MTCH2: variants seen among roughly 807,000 people sequenced by gnomAD.
The protein encoded by MTCH2 is mitochondrial carrier 2, also known as mitochondrial carrier homolog 2.
A neutral mutation model predicts 50.6 loss-of-function variants in MTCH2; 25 were observed. That is an observed-to-expected ratio of 0.49 (90% CI 0.36 to 0.69). The LOEUF (loss-of-function observed/expected upper bound fraction) is 0.69. MTCH2 is among the 30% of genes least tolerant of loss of function. The probability of loss-of-function intolerance (pLI) is 0.00; values close to 1 mark genes in which losing one functional copy is unlikely to be tolerated. For missense variants in MTCH2, 273 were observed against 384.4 expected (o/e 0.71, Z 2.42); for synonymous variants, 106 against 132.0 (o/e 0.80, Z 1.35).
chr11:47,629,275 C>T (rs538417387), intron 8 of MTCH2: 162 of 487,454 alleles, frequency 3.3e-4, no homozygotes, highest in South Asian at 2.8e-3. Context: ...AAATGCAGGT[C>T]GGCTATACCC....
intron 3 of MTCH2, among the ~76,000 whole-genome samples, chr11:47,637,707 T>C (rs2097310010): frequency 6.6e-6 from 1 of 152,176 alleles, no homozygotes; most frequent in Admixed American, 6.5e-5. Context: ...TTTCTAGCCA[T>C]ATCAGATTTC....
intron 3 of MTCH2, among the ~76,000 whole-genome samples, chr11:47,637,670 C>A (rs1469122934): frequency 6.6e-6 from 1 of 151,962 alleles, no homozygotes; most frequent in Non-Finnish European, 1.5e-5. Flanking sequence ...TTATTGTTTT[C>A]TTATTTTTTA....
At position 47,622,794 on chromosome 11, in the gene MTCH2, A is replaced by G. The variant is rs199688889; in HGVS notation, c.750-18T>C. The G allele has an allele frequency of 2.1e-3, 2,424 of 1,144,342 alleles. No individual in the cohort carries two copies. The highest frequency in any genetic ancestry group is 2.5e-3 in the Non-Finnish European group (2,286 of 919,234). The allele number at this position is 1,144,342 out of a possible 1,614,324, so 70.9% of individuals were successfully genotyped here. On this transcript the variant is annotated intron_variant, in intron 11 of 12. Transcript: ENST00000302503. ...CAGCAAGACTAAAATAGAAAAAAAC[A>G]TGGAGCTATTCATGTTAATATTAAC...
intron 6 of MTCH2, 136 bp from the exon 7 acceptor site, chr11:47,631,223 ATAT>A (rs1279264439): frequency 3.2e-6 from 2 of 629,740 alleles, no homozygotes; most frequent in African/African-American, 3.7e-5. Context: ...AGCCTGACCA[ATAT>A]GATGAAGCCC....
intron 4 of MTCH2, among the ~76,000 whole-genome samples, 183 bp downstream of exon 4, chr11:47,635,362 A>G (rs1197883882): frequency 6.6e-6 from 1 of 152,206 alleles, no homozygotes; most frequent in South Asian, 2.1e-4. Flanking sequence ...GGCATGAGCC[A>G]CCATGCCCAG....
At chr11:47,608,652 T>TA in the MTCH2 span, among the ~76,000 whole-genome samples, 1 of 151,944 alleles carries the variant, frequency 6.6e-6, no homozygotes, top group Admixed American at 6.6e-5. Context: ...GCGGAAGGAT[T>TA]AAAGACGCTA....
intron 10 of MTCH2, among the ~76,000 whole-genome samples, chr11:47,626,265 CG>C (rs1450601189): frequency 6.6e-6 from 1 of 151,644 alleles, no homozygotes; most frequent in Non-Finnish European, 1.5e-5. Flanking sequence ...AAGGTGGTGT[CG>C]AACTCCCGAC....
chr11:47,623,375 TTAAAAAAAAAA>T (rs992734218), intron 11 of MTCH2, among the ~76,000 whole-genome samples: 1 of 122,506 alleles, frequency 8.2e-6, no homozygotes, highest in Non-Finnish European at 1.7e-5. Context: ...CAGTCTTTTT[TTAAAAAAAAAA>T]AAAAAAAAAA....
At chr11:47,604,564 TAGC>T in the MTCH2 span, among the ~76,000 whole-genome samples, 1 of 152,200 alleles carries the variant, frequency 6.6e-6, no homozygotes, top group Non-Finnish European at 1.5e-5. Context: ...TGGCTTGTAA[TAGC>T]AAACAGTTTG....
chr11:47,624,500 T>C (rs1382560117), intron 11 of MTCH2, among the ~76,000 whole-genome samples: 1 of 152,094 alleles, frequency 6.6e-6, no homozygotes, highest in African/African-American at 2.4e-5. Flanking sequence ...AAGATAAAGA[T>C]TTAAAATAAC....
chr11:47,642,279 AGAAT>A (rs1034980833), intron 1 of MTCH2, 96 bp downstream of exon 1: 6 of 1,006,902 alleles, frequency 6.0e-6, no homozygotes, highest in African/African-American at 5.1e-5. Flanking sequence ...GCATCTCGGG[AGAAT>A]GAAAGGCCCG....
chr11:47,640,415 GTTAC>G (rs1478398035), intron 1 of MTCH2, among the ~76,000 whole-genome samples: 2 of 151,982 alleles, frequency 1.3e-5, no homozygotes, highest in African/African-American at 2.4e-5. Context: ...TTTTTATTTA[GTTAC>G]TTATTTATTT....
intron 1 of MTCH2, among the ~76,000 whole-genome samples, chr11:47,641,195 G>C (rs1216346599): frequency 1.3e-5 from 2 of 152,112 alleles, no homozygotes; most frequent in Non-Finnish European, 2.9e-5. Context: ...CGGCCCCAAG[G>C]GTTCTTACTA....
chr11:47,623,161 A>G (rs1329072207), intron 11 of MTCH2, among the ~76,000 whole-genome samples: 1 of 152,126 alleles, frequency 6.6e-6, no homozygotes, highest in Non-Finnish European at 1.5e-5. Context: ...ATTTGAGGTC[A>G]GGAGTTCAAG....
At chr11:47,609,893 G>A in the MTCH2 span, among the ~76,000 whole-genome samples, 1 of 152,176 alleles carries the variant, frequency 6.6e-6, no homozygotes, top group Non-Finnish European at 1.5e-5. Context: ...AAAGGGAGGT[G>A]ACAAATTCAG....
At chr11:47,614,490 C>G (rs766451849), downstream of MTCH2, among the ~76,000 whole-genome samples, 1 of 151,950 alleles carries the variant, frequency 6.6e-6, no homozygotes, top group Admixed American at 6.6e-5. Context: ...TTTTTTGAGA[C>G]GGAGTTTTGC....
At chr11:47,626,433 C>T (rs965937767) in intron 10 of MTCH2, among the ~76,000 whole-genome samples, 11 of 151,686 alleles carry the variant, frequency 7.3e-5, no homozygotes, top group Admixed American at 4.6e-4. Flanking sequence ...CTTGGCCTCC[C>T]GAAGTGCTGG....
chr11:47,635,010 ATC>A, intron 4 of MTCH2, among the ~76,000 whole-genome samples: 1 of 151,718 alleles, frequency 6.6e-6, no homozygotes, highest in Non-Finnish European at 1.5e-5. Flanking sequence ...TGACCTCGTG[ATC>A]TCCACCTGCC....
At chr11:47,616,615 C>T (rs1432337853), downstream of MTCH2, among the ~76,000 whole-genome samples, 1 of 151,822 alleles carries the variant, frequency 6.6e-6, no homozygotes. Context: ...GTATGGGCCA[C>T]CACAACCAGC....
Sources: gnomAD v4.1 joint callset for allele counts (sites outside exome capture counted in the v4.1 genomes callset) on GRCh38, gnomAD v4.1.1 for gene constraint, MANE v1.5 for transcripts, NCBI Gene and HGNC (gene_info 2026-07-23, HGNC 2026-07-21) for gene names.